Variants in CCNY observed in about 807,000 individuals in gnomAD.
The protein encoded by CCNY is cyclin Y, also known as cyclin-Y.
A neutral mutation model predicts 42.8 loss-of-function variants in CCNY; 19 were observed. The ratio of observed to expected loss-of-function variants is 0.44; its 90% CI spans 0.31 to 0.65. The LOEUF (loss-of-function observed/expected upper bound fraction) is 0.65, where lower values mean the gene tolerates loss of function less well. CCNY is among the 30% of genes least tolerant of loss of function. CCNY has a pLI of 0.07. For synonymous variants in CCNY, 165 were observed against 162.7 expected (o/e 1.01, Z -0.11); for missense variants, 370 against 437.3 (o/e 0.85, Z 1.37).
intron 1 of CCNY, chr10:35,433,999 A>G (rs547022444): frequency 6.6e-6 from 1 of 152,370 alleles, no homozygotes; most frequent in East Asian, 1.9e-4. Context: ...CTTAAGTGCT[A>G]CAAATCTCAT....
chr10:35,566,016 T>C lies in CCNY; in HGVS notation c.747-7T>C, dbSNP rs1172679463. ...AAGCATAGGCTATTTTTGTCTTTGC[T>C]TTGCAGGAACGAGCTAGAGCGACAG... On this transcript the variant is annotated splice_polypyrimidine_tract_variant and splice_region_variant and intron_variant, in intron 8 of 9. Transcript: ENST00000374704. The C allele has an allele frequency of 6.2e-7, 1 of 1,611,420 alleles. No individual in the cohort carries two copies. The highest frequency in any genetic ancestry group is 8.5e-7 in the Non-Finnish European group (1 of 1,178,744).
intron 7 of CCNY, among the ~76,000 whole-genome samples, chr10:35,545,623 T>C (rs1385107417): frequency 6.6e-6 from 1 of 152,206 alleles, no homozygotes; most frequent in Non-Finnish European, 1.5e-5. Flanking sequence ...GGCCTTATTC[T>C]GAGGCACTTG....
At chr10:35,483,381 A>T in intron 1 of CCNY, 23 bp from the exon 2 acceptor site, 1 of 1,508,952 alleles carries the variant, frequency 6.6e-7, no homozygotes, top group South Asian at 1.1e-5. Context: ...TTATTCATAT[A>T]ATTTATTTTC....
At chr10:35,482,842 A>ATT (rs1839703368) in intron 1 of CCNY, among the ~76,000 whole-genome samples, 1 of 150,628 alleles carries the variant, frequency 6.6e-6, no homozygotes, top group Admixed American at 6.7e-5. Flanking sequence ...GTTGTCTTAA[A>ATT]TGTTTTTTAA....
At chr10:35,279,517 G>A (rs1835276149) in intron 3 of CCNY, among the ~76,000 whole-genome samples, 1 of 152,186 alleles carries the variant, frequency 6.6e-6, no homozygotes, top group African/African-American at 2.4e-5. Flanking sequence ...TGTGCAGAGG[G>A]TCAGATATCA....
intron 1 of CCNY, among the ~76,000 whole-genome samples, chr10:35,468,946 A>G (rs1400381799): frequency 6.6e-6 from 1 of 152,226 alleles, no homozygotes; most frequent in Non-Finnish European, 1.5e-5. Flanking sequence ...TTTTGCTAAG[A>G]TCATAGCTCT....
intron 3 of CCNY, among the ~76,000 whole-genome samples, chr10:35,293,103 G>A (rs951258962): frequency 2.0e-5 from 3 of 152,162 alleles, no homozygotes; most frequent in Admixed American, 1.3e-4. Flanking sequence ...GAGTTTTATA[G>A]TTTTAGCTCT....
chr10:35,567,417 C>T (rs1841594320), intron 9 of CCNY, among the ~76,000 whole-genome samples: 1 of 152,220 alleles, frequency 6.6e-6, no homozygotes, highest in African/African-American at 2.4e-5. Context: ...AGCAGGATCC[C>T]TGGGGAGAGA....
intron 1 of CCNY, among the ~76,000 whole-genome samples, chr10:35,479,861 C>T (rs1194489400): frequency 2.6e-5 from 4 of 152,100 alleles, no homozygotes; most frequent in South Asian, 2.1e-4. Context: ...ATCATTTTTC[C>T]TGACTCTGCA....
intron 7 of CCNY, among the ~76,000 whole-genome samples, chr10:35,551,850 C>G (rs1356899278): frequency 6.6e-6 from 1 of 152,110 alleles, no homozygotes; most frequent in Non-Finnish European, 1.5e-5. Flanking sequence ...ATTAGGATGA[C>G]TATTACCAAA....
At chr10:35,498,526 C>G (rs1840046546) in intron 2 of CCNY, among the ~76,000 whole-genome samples, 1 of 152,152 alleles carries the variant, frequency 6.6e-6, no homozygotes, top group Non-Finnish European at 1.5e-5. Flanking sequence ...TAAGGTTGAG[C>G]AGAGCCCTTT....
At chr10:35,490,051 G>A (rs1462718725) in intron 2 of CCNY, among the ~76,000 whole-genome samples, 1 of 152,100 alleles carries the variant, frequency 6.6e-6, no homozygotes, top group Non-Finnish European at 1.5e-5. Flanking sequence ...TCAGCGTATC[G>A]TGATTTATTC....
chr10:35,359,506 A>G (rs1370417903), intron 1 of CCNY, among the ~76,000 whole-genome samples: 1 of 151,616 alleles, frequency 6.6e-6, no homozygotes, highest in Non-Finnish European at 1.5e-5. Flanking sequence ...TATTATTATT[A>G]TTATTATTTT....
chr10:35,319,427 GA>G (rs1428413573), intron 3 of CCNY, among the ~76,000 whole-genome samples: 2 of 151,926 alleles, frequency 1.3e-5, no homozygotes, highest in East Asian at 1.9e-4. Context: ...AGCAGGAAAA[GA>G]AAAAATTACC....
chr10:35,388,043 A>T (rs567362263), intron 1 of CCNY, among the ~76,000 whole-genome samples: 1 of 152,278 alleles, frequency 6.6e-6, no homozygotes, highest in East Asian at 1.9e-4. Context: ...GTGTGTTTTC[A>T]TGTTCCTTTA....
intron 4 of CCNY, among the ~76,000 whole-genome samples, chr10:35,520,604 C>T (rs1840527912): frequency 6.6e-6 from 1 of 152,074 alleles, no homozygotes; most frequent in South Asian, 2.1e-4. Flanking sequence ...GAAAATAATC[C>T]ACCTGTAAAG....
intron 4 of CCNY, among the ~76,000 whole-genome samples, chr10:35,520,660 T>C (rs1840529350): frequency 6.6e-6 from 1 of 152,184 alleles, no homozygotes; most frequent in Non-Finnish European, 1.5e-5. Context: ...TAGCTGGGGA[T>C]GGGTGGAGGG....
chr10:35,263,634 A>G (rs557361830), intron 3 of CCNY, among the ~76,000 whole-genome samples: 1 of 152,272 alleles, frequency 6.6e-6, no homozygotes, highest in African/African-American at 2.4e-5. Flanking sequence ...ATACATCATT[A>G]AAGACATTTT....
chr10:35,520,675 A>C (rs1589176479), intron 4 of CCNY, among the ~76,000 whole-genome samples: 2 of 152,346 alleles, frequency 1.3e-5, no homozygotes, highest in Non-Finnish European at 2.9e-5. Flanking sequence ...GGAGGGTTGA[A>C]TGCTAATCTA....
Sources: gnomAD v4.1 joint callset for allele counts (sites outside exome capture counted in the v4.1 genomes callset) on GRCh38, gnomAD v4.1.1 for gene constraint, MANE v1.5 for transcripts, NCBI Gene and HGNC (gene_info 2026-07-23, HGNC 2026-07-21) for gene names.